The following JADE3 variants were observed in gnomAD, a reference collection of about 807,000 sequenced individuals.
JADE3 encodes protein Jade-3.
A neutral mutation model predicts 50.1 loss-of-function variants in JADE3; 2 were observed. That is an observed-to-expected ratio of 0.04 (90% confidence interval 0.02 to 0.13). The LOEUF is 0.13. Among genes scored for constraint, JADE3 ranks in the 10% least tolerant of loss-of-function variants. The pLI is 1.00. For synonymous variants in JADE3, 218 were observed against 232.9 expected (o/e 0.94, Z 0.58); for missense variants, 475 against 634.4 (o/e 0.75, Z 2.70).
intron 1 of JADE3, among the ~76,000 whole-genome samples, chrX:46,969,451 A>G (rs1233993098): frequency 1.8e-5 from 2 of 112,377 alleles, no homozygotes; most frequent in Non-Finnish European, 3.8e-5. Context: ...CAGAAAGACT[A>G]CAAGAAGTTC....
intron 4 of JADE3, among the ~76,000 whole-genome samples, chrX:47,023,566 A>G (rs192686666): frequency 8.9e-6 from 1 of 112,041 alleles, no homozygotes; most frequent in East Asian, 2.8e-4. Flanking sequence ...TTTTTATCAT[A>G]TTTAATGATT....
rs1474874377 is a variant in JADE3, at chrX:46,991,404, T to C, written c.126+5612T>C. Among the ~76,000 whole-genome samples the C allele has an allele frequency of 2.7e-5, 3 of 110,210 alleles. No homozygotes were observed. In the East Asian group the frequency reaches 8.5e-4, roughly 31 times the overall value. On this transcript the variant is annotated intron_variant, in intron 3 of 10. Transcript: ENST00000614628. Reference sequence around the variant, plus strand: ...TGGCCACTTCATTTCTTTTTATGACTGAATGATATTACATTTTATCAGTAC... The same window carrying C: ...TGGCCACTTCATTTCTTTTTATGACCGAATGATATTACATTTTATCAGTAC...
intron 1 of JADE3, among the ~76,000 whole-genome samples, chrX:46,913,544 C>A (rs1926015122): frequency 9.0e-6 from 1 of 111,301 alleles, no homozygotes; most frequent in East Asian, 2.9e-4. Flanking sequence ...GCCCCGGGGG[C>A]CGTAGTTTGT....
At chrX:47,028,516 C>T (rs1928952460) in intron 6 of JADE3, among the ~76,000 whole-genome samples, 1 of 110,131 alleles carries the variant, frequency 9.1e-6, no homozygotes, top group South Asian at 3.9e-4. Context: ...AGTCCAGACT[C>T]CTTATCCTGG....
intron 1 of JADE3, among the ~76,000 whole-genome samples, chrX:46,923,400 T>A (rs1190017172): frequency 2.8e-5 from 1 of 35,847 alleles, no homozygotes; most frequent in African/African-American, 2.7e-4. Context: ...TCTCTTTTTT[T>A]TTTTTTTTTT....
At chrX:47,055,703 GATT>G (rs1449974280) in intron 9 of JADE3, among the ~76,000 whole-genome samples, 1 of 111,878 alleles carries the variant, frequency 8.9e-6, no homozygotes, top group Non-Finnish European at 1.9e-5. Flanking sequence ...GTCCGGCACT[GATT>G]AGAAAATTGT....
chrX:47,024,505 T>A (rs1182549257), intron 4 of JADE3, among the ~76,000 whole-genome samples: 3 of 111,700 alleles, frequency 2.7e-5, no homozygotes, highest in East Asian at 2.8e-4. Flanking sequence ...AAAATTTTTT[T>A]AAAAATTAGA....
At chrX:46,954,637 C>T (rs1927076051) in intron 1 of JADE3, among the ~76,000 whole-genome samples, 1 of 111,286 alleles carries the variant, frequency 9.0e-6, no homozygotes, top group Non-Finnish European at 1.9e-5. Context: ...TCGCTGCAGC[C>T]TCTGCCTCCC....
intron 4 of JADE3, among the ~76,000 whole-genome samples, chrX:47,000,785 C>T (rs1399486290): frequency 3.6e-5 from 4 of 111,391 alleles, no homozygotes; most frequent in Admixed American, 1.9e-4. Flanking sequence ...CTCCTAGCCT[C>T]GAGTAATTTG....
At chrX:47,007,574 G>A (rs1382746781) in intron 4 of JADE3, among the ~76,000 whole-genome samples, 3 of 111,162 alleles carry the variant, frequency 2.7e-5, no homozygotes, top group African/African-American at 9.8e-5. Context: ...TTTATCTGAT[G>A]TTAGTATAGT....
intron 4 of JADE3, among the ~76,000 whole-genome samples, chrX:47,013,089 T>C (rs960617147): frequency 5.1e-4 from 57 of 112,485 alleles, no homozygotes; most frequent in African/African-American, 1.6e-3. Flanking sequence ...CATAGCTCAC[T>C]GTAATCTTGA....
chrX:46,968,600 A>G (rs1318659824), intron 1 of JADE3, among the ~76,000 whole-genome samples: 1 of 111,614 alleles, frequency 9.0e-6, no homozygotes, highest in Non-Finnish European at 1.9e-5. Context: ...GGATGGAAAA[A>G]AAATATCATG....
intron 1 of JADE3, among the ~76,000 whole-genome samples, chrX:46,926,921 G>A (rs1329001408): frequency 1.8e-5 from 2 of 112,317 alleles, no homozygotes; most frequent in Admixed American, 9.4e-5. Context: ...AGGCATTTGA[G>A]TTGTTTCCAG....
intron 7 of JADE3, among the ~76,000 whole-genome samples, chrX:47,036,304 A>T (rs1437628401): frequency 2.7e-5 from 3 of 111,172 alleles, no homozygotes; most frequent in Non-Finnish European, 3.8e-5. Context: ...TTCACTCATG[A>T]ACAGACACTT....
intron 4 of JADE3, among the ~76,000 whole-genome samples, chrX:47,008,390 G>A (rs1479294686): frequency 8.9e-6 from 1 of 111,785 alleles, no homozygotes; most frequent in Non-Finnish European, 1.9e-5. Context: ...ATTTGCCAAG[G>A]GGTAGAAAAG....
At chrX:46,969,095 C>T (rs781992218) in intron 1 of JADE3, among the ~76,000 whole-genome samples, 8 of 112,602 alleles carry the variant, frequency 7.1e-5, no homozygotes, top group Non-Finnish European at 1.3e-4. Context: ...TATTCTCAGA[C>T]CATAATAGAA....
intron 1 of JADE3, among the ~76,000 whole-genome samples, chrX:46,928,549 T>TA (rs782387599): frequency 3.6e-4 from 40 of 110,957 alleles, no homozygotes; most frequent in African/African-American, 1.2e-3. Context: ...TCATTTTGTG[T>TA]AAAAAAAAAT....
At chrX:46,919,819 A>T (rs1602367889) in intron 1 of JADE3, among the ~76,000 whole-genome samples, 2 of 111,613 alleles carry the variant, frequency 1.8e-5, no homozygotes, top group Admixed American at 1.9e-4. Context: ...GATAAAAATT[A>T]AAAATCTCTG....
At chrX:46,983,128 C>T (rs1265464748) in intron 1 of JADE3, among the ~76,000 whole-genome samples, 8 of 112,315 alleles carry the variant, frequency 7.1e-5, no homozygotes, top group African/African-American at 2.6e-4. Flanking sequence ...TCTTTCCCTG[C>T]TGTCTCTTTC....
Sources: allele counts gnomAD v4.1 joint callset (sites outside exome capture counted in the v4.1 genomes callset), GRCh38; gene constraint gnomAD v4.1.1; transcripts MANE v1.5; gene names NCBI Gene and HGNC (gene_info 2026-07-23, HGNC 2026-07-21).